CDK5RAP2: variants seen among roughly 807,000 people sequenced by gnomAD.
The protein encoded by CDK5RAP2 is CDK5 regulatory subunit-associated protein 2.
Under a neutral mutation model 232.9 loss-of-function variants are expected in CDK5RAP2, and 147 were observed. The observed-to-expected ratio is 0.63, with a 90% confidence interval of 0.55 to 0.72. CDK5RAP2 has a LOEUF of 0.72. Among genes scored for constraint, CDK5RAP2 ranks in the 30% least tolerant of loss-of-function variants. The pLI, the probability that CDK5RAP2 is intolerant of heterozygous loss-of-function variation, is 0.00. For missense variants in CDK5RAP2, 2,195 were observed against 2,231.5 expected (o/e 0.98, Z 0.33); for synonymous variants, 833 against 833.7 (o/e 1.00, Z 0.01).
intron 21 of CDK5RAP2, among the ~76,000 whole-genome samples, chr9:120,448,590 A>G (rs1212803053): frequency 6.6e-6 from 1 of 152,138 alleles, no homozygotes; most frequent in Non-Finnish European, 1.5e-5. Context: ...ACTCCCAGAC[A>G]TCTTCATTTG....
At chr9:120,555,210 C>T (rs1355504227) in intron 3 of CDK5RAP2, among the ~76,000 whole-genome samples, 3 of 152,116 alleles carry the variant, frequency 2.0e-5, no homozygotes, top group Admixed American at 1.3e-4. Flanking sequence ...TGGCTCACTG[C>T]AACTTCTGTC....
At chr9:120,561,303 G>T (rs935158273) in intron 3 of CDK5RAP2, among the ~76,000 whole-genome samples, 1 of 151,888 alleles carries the variant, frequency 6.6e-6, no homozygotes, top group Non-Finnish European at 1.5e-5. Flanking sequence ...AGAAATAACA[G>T]AATTTTTTTT....
intron 1 of CDK5RAP2, among the ~76,000 whole-genome samples, chr9:120,573,913 G>A (rs943282679): frequency 2.6e-5 from 4 of 152,114 alleles, no homozygotes; most frequent in African/African-American, 9.7e-5. Context: ...GAAGCCCAAG[G>A]TCACATACAC....
intron 31 of CDK5RAP2, chr9:120,408,078 A>C (rs1588253305): frequency 4.1e-6 from 2 of 485,352 alleles, no homozygotes; most frequent in East Asian, 8.2e-5. Context: ...CAAAGGGTGA[A>C]GTGGCCTACT....
intron 11 of CDK5RAP2, among the ~76,000 whole-genome samples, chr9:120,520,731 T>C (rs2040585735): frequency 6.6e-6 from 1 of 151,180 alleles, no homozygotes; most frequent in Non-Finnish European, 1.5e-5. Context: ...ATATATCATA[T>C]ATGTATCATG....
At chr9:120,507,318 G>A (rs574549658) in intron 12 of CDK5RAP2, among the ~76,000 whole-genome samples, 6 of 152,228 alleles carry the variant, frequency 3.9e-5, no homozygotes, top group Non-Finnish European at 8.8e-5. Flanking sequence ...CCTGAGGGAC[G>A]TCTGTACCTT....
intron 12 of CDK5RAP2, among the ~76,000 whole-genome samples, chr9:120,517,136 C>G (rs1333645498): frequency 6.6e-6 from 1 of 152,100 alleles, no homozygotes; most frequent in Non-Finnish European, 1.5e-5. Flanking sequence ...GACCAGGAGC[C>G]CAGGGGCATC....
At chr9:120,420,066 A>T (rs930267280) in intron 26 of CDK5RAP2, 106 bp from the exon 27 acceptor site, 1 of 878,834 alleles carries the variant, frequency 1.1e-6, no homozygotes, top group Admixed American at 1.8e-5. Flanking sequence ...TAACTCCCCA[A>T]TGTTTGCAAC....
At chr9:120,567,815 T>C (rs906032591) in intron 3 of CDK5RAP2, among the ~76,000 whole-genome samples, 1 of 152,184 alleles carries the variant, frequency 6.6e-6, no homozygotes, top group Non-Finnish European at 1.5e-5. Flanking sequence ...AAAACCTGGA[T>C]TCAAATCCCA....
rs763799606 is a variant in CDK5RAP2 at position 120,408,329 on chromosome 9, T to C, written c.4726+18A>G. ...AGCCCAAAGCACAGTAGCCTCAAGG[T>C]GAGAAGGGCCTCAGTACCTCTCAGT... is the stretch of plus-strand genomic sequence containing the variant. On this transcript the variant is annotated intron_variant, in intron 31 of 37. Coordinates refer to ENST00000349780, the MANE Select transcript of CDK5RAP2 (RefSeq NM_018249.6). 2 of 1,613,446 alleles carry C rather than the reference T, an allele frequency of 1.2e-6. No homozygotes were observed. Among genetic ancestry groups the C allele is most frequent in the Non-Finnish European group, 1.7e-6 (2 of 1,179,786 alleles).
Position 120,428,053 on chromosome 9 carries a change from G to A in CDK5RAP2, c.3956-5312C>T, listed in dbSNP as rs375876689. On this transcript the variant is annotated intron_variant, in intron 25 of 37. Coordinates refer to ENST00000349780, the MANE Select transcript of CDK5RAP2 (RefSeq NM_018249.6). ...GGCAGAAATAAAAATGTTCTTTGAAGCCAACGAGAACAAAGACACAACATA... is the reference window on the plus strand; with the variant it reads ...GGCAGAAATAAAAATGTTCTTTGAAACCAACGAGAACAAAGACACAACATA... Among the ~76,000 whole-genome samples the A allele has an allele frequency of 3.8e-3, 573 of 152,202 alleles. 4 individuals are homozygous for A. Among genetic ancestry groups the A allele is most frequent in the African/African-American group, 0.013 (545 of 41,502 alleles).
intron 25 of CDK5RAP2, among the ~76,000 whole-genome samples, chr9:120,431,271 G>T (rs1016692676): frequency 4.6e-5 from 7 of 151,926 alleles, no homozygotes; most frequent in African/African-American, 1.7e-4. Context: ...ATAATAAGAA[G>T]AAGAAGAAAT....
At chr9:120,528,248 G>A (rs1321142755) in intron 9 of CDK5RAP2, among the ~76,000 whole-genome samples, 1 of 152,186 alleles carries the variant, frequency 6.6e-6, no homozygotes, top group Non-Finnish European at 1.5e-5. Flanking sequence ...GGTTATTTGG[G>A]AGAAATAACA....
chr9:120,428,581 C>A (rs1018690986), intron 25 of CDK5RAP2, among the ~76,000 whole-genome samples: 76 of 152,196 alleles, frequency 5.0e-4, no homozygotes, highest in Middle Eastern at 3.2e-3. Flanking sequence ...TCTGAATAGA[C>A]CAATAACAGG....
chr9:120,571,456 G>A (rs1361709736), intron 2 of CDK5RAP2, among the ~76,000 whole-genome samples: 1 of 152,186 alleles, frequency 6.6e-6, no homozygotes, highest in African/African-American at 2.4e-5. Flanking sequence ...AAACTGCAAA[G>A]TCTCCTCATA....
chr9:120,460,846 T>C (rs975158498), intron 18 of CDK5RAP2, 179 bp from the exon 19 acceptor site: 2 of 1,003,068 alleles, frequency 2.0e-6, no homozygotes, highest in African/African-American at 1.6e-5. Context: ...GAGTTGCTAG[T>C]TGTGGCGAAT....
intron 1 of CDK5RAP2, among the ~76,000 whole-genome samples, chr9:120,579,422 T>G (rs776997395): frequency 1.5e-4 from 23 of 152,212 alleles, no homozygotes; most frequent in African/African-American, 5.3e-4. Context: ...AGGGCTGGAT[T>G]TGAATCCAGT....
chr9:120,504,816 C>A (rs555460307), intron 12 of CDK5RAP2, among the ~76,000 whole-genome samples: 2 of 152,322 alleles, frequency 1.3e-5, no homozygotes, highest in African/African-American at 4.8e-5. Context: ...CTACCAGTCC[C>A]CTCCACCTGG....
chr9:120,453,683 G>A lies in CDK5RAP2; in HGVS notation c.2566C>T (p.Gln856Ter). The part of the protein sequence containing the change: ...HDELKLSCEA[Q>*]LVKAGEVPKV... ...GGCACTTCGCCTGCCTTTACTAGCT[G>A]GGCCTCACAAGACAACTTCAGTTCA... The change falls in exon 21 of 38, where the codon CAG (glutamine) becomes TAG (stop). Residue 856 changes from glutamine to a stop codon, truncating the protein, a stop_gained. Transcript: ENST00000349780. LOFTEE classifies it high-confidence loss of function. The A allele has an allele frequency of 6.2e-7, 1 of 1,614,182 alleles. No individual in the cohort carries two copies. Among genetic ancestry groups the A allele is most frequent in the Non-Finnish European group, 8.5e-7 (1 of 1,180,036 alleles).
Sources: gnomAD v4.1 joint callset for allele counts (sites outside exome capture counted in the v4.1 genomes callset) on GRCh38, gnomAD v4.1.1 for gene constraint, MANE v1.5 for transcripts, NCBI Gene and HGNC (gene_info 2026-07-23, HGNC 2026-07-21) for gene names.